ZFYVE9: variants seen among roughly 807,000 people sequenced by gnomAD.
ZFYVE9 encodes zinc finger FYVE-type containing 9.
ZFYVE9 carries 43 observed loss-of-function variants against 126.7 expected under a neutral mutation model. That is an observed-to-expected ratio of 0.34 (90% CI 0.27 to 0.44). The LOEUF is 0.44. ZFYVE9 is among the 20% of genes least tolerant of loss of function. The pLI, the probability that ZFYVE9 is intolerant of heterozygous loss-of-function variation, is 1.00. For synonymous variants in ZFYVE9, 521 were observed against 597.4 expected (o/e 0.87, Z 1.87); for missense variants, 1,476 against 1,697.0 (o/e 0.87, Z 2.29).
chr1:52,267,062 T>C (rs1645640739), intron 6 of ZFYVE9, among the ~76,000 whole-genome samples: 1 of 152,180 alleles, frequency 6.6e-6, no homozygotes, highest in African/African-American at 2.4e-5. Context: ...TATGTCAGTC[T>C]CCTCTCCAAC....
chr1:52,272,277 C>T (rs893022359), intron 7 of ZFYVE9, among the ~76,000 whole-genome samples: 2 of 152,216 alleles, frequency 1.3e-5, no homozygotes, highest in African/African-American at 4.8e-5. Context: ...TGTATACACA[C>T]ACAAACACAC....
At chr1:52,295,620 C>A (rs1557505919) in intron 11 of ZFYVE9, among the ~76,000 whole-genome samples, 1 of 152,084 alleles carries the variant, frequency 6.6e-6, no homozygotes, top group South Asian at 2.1e-4. Flanking sequence ...GCCTCAGCCT[C>A]CCAAAGTGCT....
At chr1:52,154,512 T>C (rs1572059326) in intron 1 of ZFYVE9, among the ~76,000 whole-genome samples, 2 of 152,240 alleles carry the variant, frequency 1.3e-5, no homozygotes, top group African/African-American at 2.4e-5. Context: ...TTTTGTCTCC[T>C]TGGCTGTTCA....
intron 13 of ZFYVE9, among the ~76,000 whole-genome samples, chr1:52,310,637 C>A (rs1184503902): frequency 1.3e-5 from 2 of 152,214 alleles, no homozygotes; most frequent in South Asian, 4.1e-4. Flanking sequence ...CTTTCTGATT[C>A]TGGTGTCCCT....
At position 52,142,966 on chromosome 1, in the gene ZFYVE9, T is replaced by G. The variant is rs1644274620; in HGVS notation, c.-143+563T>G. ...TCGAGAACAACCTTTTGCGTCTTAT[T>G]TGAGGTGAAATTTCATCACCTGCCG... On this transcript the variant is annotated intron_variant, in intron 1 of 18. Coordinates refer to ENST00000287727, the MANE Select transcript of ZFYVE9 (RefSeq NM_004799.4). This position sits in a 1 kb window ranked among gnomAD's most constrained non-coding sequence, Gnocchi z 4.5. Among the ~76,000 whole-genome samples the G allele has an allele frequency of 1.3e-5, 2 of 152,288 alleles. No homozygotes were observed. The highest frequency in any genetic ancestry group is 4.1e-4 in the South Asian group (2 of 4,826).
At chr1:52,187,090 A>C (rs1465778435) in intron 1 of ZFYVE9, among the ~76,000 whole-genome samples, 1 of 152,212 alleles carries the variant, frequency 6.6e-6, no homozygotes, top group East Asian at 1.9e-4. Flanking sequence ...ACAGTAACCA[A>C]AACAGCATGG....
chr1:52,252,683 C>T, intron 4 of ZFYVE9: 1 of 377,938 alleles, frequency 2.6e-6, no homozygotes, highest in Non-Finnish European at 5.5e-6. Context: ...CTTGAGGTTC[C>T]ACATGCCTTA....
chr1:52,155,698 G>T (rs1414733313), intron 1 of ZFYVE9, among the ~76,000 whole-genome samples: 5 of 152,196 alleles, frequency 3.3e-5, no homozygotes, highest in Non-Finnish European at 7.3e-5. Flanking sequence ...CTGCAGAGTT[G>T]TTGCCCCTAC....
At chr1:52,257,119 A>G (rs770908276) in intron 4 of ZFYVE9, among the ~76,000 whole-genome samples, 23 of 152,222 alleles carry the variant, frequency 1.5e-4, no homozygotes, top group Non-Finnish European at 2.4e-4. Context: ...AATATAAAGC[A>G]TGTTCACAGA....
chr1:52,234,176 G>A (rs893558240), intron 3 of ZFYVE9, among the ~76,000 whole-genome samples: 1 of 152,056 alleles, frequency 6.6e-6, no homozygotes, highest in Non-Finnish European at 1.5e-5. Flanking sequence ...CCTCCTCACC[G>A]TTCTTCCCCT....
chr1:52,283,892 T>C (rs1245767368), intron 10 of ZFYVE9, among the ~76,000 whole-genome samples: 1 of 152,148 alleles, frequency 6.6e-6, no homozygotes, highest in Admixed American at 6.5e-5. Flanking sequence ...TAAAAAGATA[T>C]TGCAGGAATC....
At chr1:52,155,380 G>A (rs958257174) in intron 1 of ZFYVE9, among the ~76,000 whole-genome samples, 1 of 151,850 alleles carries the variant, frequency 6.6e-6, no homozygotes, top group South Asian at 2.1e-4. Context: ...GACTACAGGC[G>A]CCCACCACCT....
At chr1:52,233,617 G>T (rs1645244829) in intron 3 of ZFYVE9, among the ~76,000 whole-genome samples, 1 of 152,200 alleles carries the variant, frequency 6.6e-6, no homozygotes, top group Non-Finnish European at 1.5e-5. Flanking sequence ...TGAATGTATG[G>T]TCAAGAAATG....
At chr1:52,287,946 A>G (rs1412081561) in intron 10 of ZFYVE9, among the ~76,000 whole-genome samples, 1 of 152,188 alleles carries the variant, frequency 6.6e-6, no homozygotes, top group Non-Finnish European at 1.5e-5. Flanking sequence ...ATTTATTAGA[A>G]TTATGGTATT....
At chr1:52,204,072 T>C (rs1297578917) in intron 1 of ZFYVE9, among the ~76,000 whole-genome samples, 1 of 152,106 alleles carries the variant, frequency 6.6e-6, no homozygotes, top group Non-Finnish European at 1.5e-5. Flanking sequence ...GTTTGCTCTT[T>C]CTCCTCAAAC....
At position 52,298,984 on chromosome 1, in the gene ZFYVE9, A is replaced by T. The variant is rs12039073; in HGVS notation, c.3333+3007A>T. Among the ~76,000 whole-genome samples, 1,401 of 151,582 alleles carry T rather than the reference A, an allele frequency of 9.2e-3. 66 individuals are homozygous for T. In the East Asian group the frequency reaches 0.12, roughly 13 times the overall value. On this transcript the variant is annotated intron_variant, in intron 12 of 18. Coordinates refer to ENST00000287727, the MANE Select transcript of ZFYVE9 (RefSeq NM_004799.4). ...CCACCACGCCTGGCCAATTTTTTGT[A>T]CTTTTAGTAGAGACGGGGTTTCACT...
intron 1 of ZFYVE9, among the ~76,000 whole-genome samples, chr1:52,182,971 T>C (rs1326772696): frequency 6.6e-6 from 1 of 152,116 alleles, no homozygotes; most frequent in Non-Finnish European, 1.5e-5. Context: ...AAATAAGGTG[T>C]CTATTAGGAT....
intron 16 of ZFYVE9, among the ~76,000 whole-genome samples, chr1:52,338,555 G>T (rs1169467251): frequency 6.6e-6 from 1 of 152,104 alleles, no homozygotes; most frequent in Non-Finnish European, 1.5e-5. Flanking sequence ...ACTGAACTTT[G>T]TATCCTTTCT....
intron 12 of ZFYVE9, among the ~76,000 whole-genome samples, chr1:52,296,305 A>G (rs1645974981): frequency 6.6e-6 from 1 of 152,082 alleles, no homozygotes; most frequent in Non-Finnish European, 1.5e-5. Flanking sequence ...GAAGTAATAC[A>G]TAAATAAAAC....
Sources: gnomAD v4.1 joint callset for allele counts (sites outside exome capture counted in the v4.1 genomes callset) on GRCh38, gnomAD v4.1.1 for gene constraint, Gnocchi (gnomAD v3.1) non-coding constraint, MANE v1.5 for transcripts, NCBI Gene and HGNC (gene_info 2026-07-23, HGNC 2026-07-21) for gene names.